MECOM: variants seen among roughly 807,000 people sequenced by gnomAD.
The protein encoded by MECOM is histone-lysine N-methyltransferase MECOM.
A neutral mutation model predicts 116.3 loss-of-function variants in MECOM; 13 were observed. That is an observed-to-expected ratio of 0.11 (90% CI 0.07 to 0.18). MECOM has a LOEUF of 0.18. MECOM is among the 10% of genes least tolerant of loss of function. The pLI is 1.00. For synonymous variants in MECOM, 528 were observed against 535.2 expected, an observed-to-expected ratio of 0.99 and a Z score of 0.19; for missense variants, 1,299 against 1,509.0, an observed-to-expected ratio of 0.86 and a Z score of 2.31.
chr3:169,389,787 C>T (rs1028007368), intron 1 of MECOM, among the ~76,000 whole-genome samples: 1 of 152,162 alleles, frequency 6.6e-6, no homozygotes, highest in East Asian at 1.9e-4. Flanking sequence ...TCCTGTTGCA[C>T]ACAAATGGGA....
chr3:169,344,512 A>C (rs1725043259), intron 2 of MECOM, among the ~76,000 whole-genome samples: 1 of 152,140 alleles, frequency 6.6e-6, no homozygotes, highest in Non-Finnish European at 1.5e-5. Context: ...GAGTGTCAAG[A>C]AGCCTGAATT....
At chr3:169,388,020 A>G (rs989381735) in intron 1 of MECOM, among the ~76,000 whole-genome samples, 1 of 152,020 alleles carries the variant, frequency 6.6e-6, no homozygotes, top group Non-Finnish European at 1.5e-5. Context: ...CCCAAGCGCC[A>G]GTACTTTGTG....
At chr3:169,389,707 A>G (rs1577955074) in intron 1 of MECOM, 15 of 342,984 alleles carry the variant, frequency 4.4e-5, no homozygotes, top group Non-Finnish European at 6.2e-5. Context: ...TGACCAGAGT[A>G]CAGCCTTTCA....
At chr3:169,209,018 A>G (rs1371986993) in intron 2 of MECOM, among the ~76,000 whole-genome samples, 2 of 152,150 alleles carry the variant, frequency 1.3e-5, no homozygotes, top group Non-Finnish European at 2.9e-5. Flanking sequence ...ATGGAACAGA[A>G]CAGAGACCTC....
chr3:169,174,556 T>C (rs1442917721), intron 2 of MECOM, among the ~76,000 whole-genome samples: 3 of 152,220 alleles, frequency 2.0e-5, no homozygotes, highest in East Asian at 1.9e-4. Flanking sequence ...ACATCAGTTA[T>C]ATCAAAATAC....
chr3:169,097,953 A>G (rs1447440018), intron 12 of MECOM, among the ~76,000 whole-genome samples: 3 of 152,218 alleles, frequency 2.0e-5, no homozygotes, highest in East Asian at 1.9e-4. Flanking sequence ...ATTAAAACCT[A>G]ATAGAACTTT....
chr3:169,391,973 C>G (rs141796132), intron 1 of MECOM, among the ~76,000 whole-genome samples: 21 of 152,240 alleles, frequency 1.4e-4, no homozygotes, highest in Admixed American at 3.9e-4. Flanking sequence ...AAATTACTAT[C>G]GTTTGCAGCA....
intron 2 of MECOM, among the ~76,000 whole-genome samples, chr3:169,318,507 A>G (rs1310840189): frequency 1.3e-5 from 2 of 152,232 alleles, no homozygotes; most frequent in Non-Finnish European, 2.9e-5. Context: ...ACCAACAAAT[A>G]TATTAAAAGA....
intron 1 of MECOM, among the ~76,000 whole-genome samples, chr3:169,384,159 T>G (rs1469377353): frequency 6.6e-6 from 1 of 152,242 alleles, no homozygotes; most frequent in African/African-American, 2.4e-5. Context: ...CCAAGTGATC[T>G]GCATATAGGT....
At chr3:169,376,273 C>T (rs368831709) in intron 2 of MECOM, among the ~76,000 whole-genome samples, 1 of 152,130 alleles carries the variant, frequency 6.6e-6, no homozygotes, top group South Asian at 2.1e-4. Context: ...TGGCACAAGA[C>T]AAGGATGCCC....
At chr3:169,404,696 C>T (rs1560230356) in intron 1 of MECOM, among the ~76,000 whole-genome samples, 1 of 152,150 alleles carries the variant, frequency 6.6e-6, no homozygotes, top group East Asian at 1.9e-4. Flanking sequence ...GAGAGCGCCA[C>T]GCAGAGAAGG....
chr3:169,174,261 G>A (rs1744836684), intron 2 of MECOM, among the ~76,000 whole-genome samples: 1 of 152,110 alleles, frequency 6.6e-6, no homozygotes, highest in African/African-American at 2.4e-5. Context: ...AAATGTCTTA[G>A]GGACCTTTGT....
chr3:169,403,421 T>C (rs952799593), intron 1 of MECOM, among the ~76,000 whole-genome samples: 2 of 152,214 alleles, frequency 1.3e-5, no homozygotes, highest in Non-Finnish European at 2.9e-5. Context: ...ATGGGTGCAA[T>C]AGACACCAAT....
intron 2 of MECOM, among the ~76,000 whole-genome samples, chr3:169,287,752 T>C (rs902226300): frequency 2.6e-5 from 4 of 152,188 alleles, no homozygotes; most frequent in East Asian, 1.9e-4. Context: ...AAATATGCTT[T>C]GGTTTATGCA....
Position 169,093,981 on chromosome 3 carries a change from T to C in MECOM, c.3020-879A>G, listed in dbSNP as rs991754852. On this transcript the variant is annotated intron_variant, in intron 13 of 16. Coordinates refer to ENST00000651503, the MANE Select transcript of MECOM (RefSeq NM_004991.4). ...CATGTTACATGTTTAACCTTTTTTCTTAAAATAACTTTGATAAGAAAATTA... is the reference window on the plus strand; with the variant it reads ...CATGTTACATGTTTAACCTTTTTTCCTAAAATAACTTTGATAAGAAAATTA... Among the ~76,000 whole-genome samples the C allele has an allele frequency of 2.6e-5, 4 of 152,214 alleles. No individual in the cohort carries two copies. In the East Asian group the frequency reaches 7.7e-4, roughly 29 times the overall value.
intron 1 of MECOM, among the ~76,000 whole-genome samples, chr3:169,384,426 C>G (rs1267764187): frequency 6.6e-6 from 1 of 152,110 alleles, no homozygotes; most frequent in Non-Finnish European, 1.5e-5. Context: ...TCAACAAAAT[C>G]CATCTAATTT....
At chr3:169,218,935 C>A (rs926851707) in intron 2 of MECOM, among the ~76,000 whole-genome samples, 1 of 152,110 alleles carries the variant, frequency 6.6e-6, no homozygotes, top group African/African-American at 2.4e-5. Context: ...ACACCACACA[C>A]CTACCCCTAC....
At position 169,140,370 on chromosome 3, in the gene MECOM, T is replaced by C. The variant is rs535562150; in HGVS notation, c.510+3328A>G. On this transcript the variant is annotated intron_variant, in intron 3 of 16. Transcript: ENST00000651503. ...AAGAGACTTGGGTATCTTTAATGGATCTATTATTTTATGACTTGAGTGTGA... is the reference window on the plus strand; with the variant it reads ...AAGAGACTTGGGTATCTTTAATGGACCTATTATTTTATGACTTGAGTGTGA... Among the ~76,000 whole-genome samples the C allele has an allele frequency of 1.1e-3, 171 of 152,208 alleles. 1 individual carries two copies. Among genetic ancestry groups the C allele is most frequent in the Middle Eastern group, 3.4e-3 (1 of 294 alleles).
chr3:169,433,360 C>T (rs1017507861), intron 1 of MECOM, among the ~76,000 whole-genome samples: 5 of 151,894 alleles, frequency 3.3e-5, no homozygotes, highest in African/African-American at 4.8e-5. Flanking sequence ...CCCAGCTATT[C>T]GGGAGGCTGA....
Sources: gnomAD v4.1 joint callset for allele counts (sites outside exome capture counted in the v4.1 genomes callset) on GRCh38, gnomAD v4.1.1 for gene constraint, MANE v1.5 for transcripts, NCBI Gene and HGNC (gene_info 2026-07-23, HGNC 2026-07-21) for gene names.